The following METTL25 variants were observed in gnomAD, a reference collection of about 807,000 sequenced individuals.
METTL25 encodes probable methyltransferase-like protein 25.
A neutral mutation model predicts 71.6 loss-of-function variants in METTL25; 64 were observed. The ratio of observed to expected loss-of-function variants is 0.89; its 90% confidence interval spans 0.73 to 1.10. The LOEUF (loss-of-function observed/expected upper bound fraction) is 1.10. Ranked by LOEUF, METTL25 falls within the 50% of genes least tolerant of loss-of-function variation. The probability of loss-of-function intolerance (pLI) is 0.00; values close to 1 mark genes in which losing one functional copy is unlikely to be tolerated. For synonymous variants in METTL25, 287 were observed against 250.3 expected (o/e 1.15, Z -1.38); for missense variants, 807 against 707.0 (o/e 1.14, Z -1.60).
chr12:82,411,634 T>A (rs2137061734), intron 5 of METTL25, among the ~76,000 whole-genome samples: 1 of 152,106 alleles, frequency 6.6e-6, no homozygotes, highest in Non-Finnish European at 1.5e-5. Context: ...CCAGAAGAAA[T>A]AATTATATTG....
intron 8 of METTL25, among the ~76,000 whole-genome samples, chr12:82,445,650 C>T (rs1022834368): frequency 4.6e-5 from 7 of 152,132 alleles, no homozygotes; most frequent in African/African-American, 1.2e-4. Context: ...TTATTAAGTG[C>T]CATTAGTGAT....
intron 9 of METTL25, among the ~76,000 whole-genome samples, chr12:82,465,801 T>C (rs1008644784): frequency 6.6e-6 from 1 of 151,972 alleles, no homozygotes; most frequent in Non-Finnish European, 1.5e-5. Flanking sequence ...CTATTCAGGT[T>C]TTCTATTTCT....
At chr12:82,384,538 C>G (rs1242147651) in intron 1 of METTL25, among the ~76,000 whole-genome samples, 2 of 151,576 alleles carry the variant, frequency 1.3e-5, no homozygotes, top group Non-Finnish European at 2.9e-5. Flanking sequence ...TCATGGAGTT[C>G]TAGACTATCT....
At chr12:82,446,089 T>C (rs1037931983) in intron 8 of METTL25, among the ~76,000 whole-genome samples, 3 of 152,128 alleles carry the variant, frequency 2.0e-5, no homozygotes, top group Non-Finnish European at 4.4e-5. Context: ...AGAAGGTCAT[T>C]ATATAATGAT....
At chr12:82,360,338 C>T (rs1268806888) in intron 1 of METTL25, among the ~76,000 whole-genome samples, 1 of 151,864 alleles carries the variant, frequency 6.6e-6, no homozygotes, top group Non-Finnish European at 1.5e-5. Flanking sequence ...TTTACATCAG[C>T]CTTGCAAGAT....
At chr12:82,423,935 C>T (rs7968677) in intron 5 of METTL25, among the ~76,000 whole-genome samples, 2 of 152,128 alleles carry the variant, frequency 1.3e-5, no homozygotes, top group African/African-American at 4.8e-5. Flanking sequence ...TACACTGTTG[C>T]TGGGACTGTA....
rs537958535 is a variant in METTL25 at position 82,450,653 on chromosome 12, T to A, written c.1479-6074T>A. 2.0e-5 allele frequency among the ~76,000 whole-genome samples: 3 copies of A among 152,286 alleles called. No homozygotes were observed. In the South Asian group the frequency reaches 6.2e-4, roughly 32 times the overall value. On this transcript the variant is annotated intron_variant, in intron 8 of 11. Coordinates refer to ENST00000248306, the MANE Select transcript of METTL25 (RefSeq NM_032230.3). ...TGTTTTTCCTGTGATCTGCAAAGCC[T>A]TATGTCATCTGGCTCCTCATTTTTT...
At chr12:82,449,927 A>G (rs1415531843) in intron 8 of METTL25, among the ~76,000 whole-genome samples, 1 of 152,012 alleles carries the variant, frequency 6.6e-6, no homozygotes, top group African/African-American at 2.4e-5. Flanking sequence ...GTAAGATTTT[A>G]TTTCCATCAC....
At chr12:82,438,588 A>T in intron 7 of METTL25, 130 bp from the exon 8 acceptor site, 1 of 456,190 alleles carries the variant, frequency 2.2e-6, no homozygotes, top group Non-Finnish European at 3.7e-6. Context: ...TAATGGAAAA[A>T]TTATTAAGTC....
In METTL25 at chr12:82,390,206, T is replaced by C. The variant is rs192827273; in HGVS notation, c.531+284T>C. ...GACAGAAATTAAGCTTAATTCTCTTTGATAAATTTTCTCTCCAGTCTGAGG... is the reference window on the plus strand; with the variant it reads ...GACAGAAATTAAGCTTAATTCTCTTCGATAAATTTTCTCTCCAGTCTGAGG... On this transcript the variant is annotated intron_variant, in intron 3 of 11. Coordinates refer to ENST00000248306, the MANE Select transcript of METTL25 (RefSeq NM_032230.3). Among the ~76,000 whole-genome samples the C allele has an allele frequency of 2.2e-4, 33 of 152,202 alleles. No individual in the cohort carries two copies. In the East Asian group the frequency reaches 5.2e-3, roughly 24 times the overall value.
At chr12:82,409,903 CA>C (rs1249174032) in intron 5 of METTL25, among the ~76,000 whole-genome samples, 1 of 152,014 alleles carries the variant, frequency 6.6e-6, no homozygotes, top group Non-Finnish European at 1.5e-5. Flanking sequence ...CTGTGTCAAA[CA>C]GAAATTTGTC....
At chr12:82,369,469 GGAGTTTCTTCCTTCAGATGTGTCCA>G in intron 1 of METTL25, 1 of 450,030 alleles carries the variant, frequency 2.2e-6, no homozygotes, top group Admixed American at 2.4e-5. Context: ...TGGTGTGTCC[GGAGTTTCTTCCTTCAGATGTGTCCA>G]GAGTTTCTTC....
At chr12:82,472,064 G>T (rs892237917) in intron 9 of METTL25, among the ~76,000 whole-genome samples, 18 of 152,120 alleles carry the variant, frequency 1.2e-4, no homozygotes, top group African/African-American at 4.1e-4. Flanking sequence ...AGACGCAGTT[G>T]AGATTCCATT....
At chr12:82,469,898 G>A (rs1398086345) in intron 9 of METTL25, among the ~76,000 whole-genome samples, 2 of 152,136 alleles carry the variant, frequency 1.3e-5, no homozygotes, top group African/African-American at 4.8e-5. Context: ...GGTAGAGTGA[G>A]TCTCTAGCTC....
intron 9 of METTL25, among the ~76,000 whole-genome samples, chr12:82,458,442 C>T (rs985064350): frequency 6.6e-6 from 1 of 152,110 alleles, no homozygotes; most frequent in Non-Finnish European, 1.5e-5. Context: ...TTACAACTTA[C>T]AGGAGCAGAA....
At chr12:82,378,702 A>T (rs1884132908) in intron 1 of METTL25, among the ~76,000 whole-genome samples, 1 of 152,168 alleles carries the variant, frequency 6.6e-6, no homozygotes, top group African/African-American at 2.4e-5. Flanking sequence ...TTTTCCTGAG[A>T]CAAAGAATCC....
chr12:82,404,930 G>A (rs1886959520), intron 5 of METTL25, among the ~76,000 whole-genome samples: 1 of 133,188 alleles, frequency 7.5e-6, no homozygotes, highest in Admixed American at 8.2e-5. Flanking sequence ...GGCAACAAGA[G>A]CAAAACTCCA....
chr12:82,371,411 C>T (rs1883218405), intron 1 of METTL25, among the ~76,000 whole-genome samples: 2 of 152,196 alleles, frequency 1.3e-5, no homozygotes, highest in Non-Finnish European at 2.9e-5. Flanking sequence ...AAGGGGGCGG[C>T]TTGTTTCTCG....
intron 9 of METTL25, among the ~76,000 whole-genome samples, chr12:82,458,715 C>T (rs1891661297): frequency 6.6e-6 from 1 of 152,136 alleles, no homozygotes; most frequent in Admixed American, 6.6e-5. Flanking sequence ...CTTCTGAATA[C>T]TTTCTTATGA....
Sources: gnomAD v4.1 joint callset for allele counts (sites outside exome capture counted in the v4.1 genomes callset) on GRCh38, gnomAD v4.1.1 for gene constraint, MANE v1.5 for transcripts, NCBI Gene and HGNC (gene_info 2026-07-23, HGNC 2026-07-21) for gene names.